PCDH15: variants seen among roughly 807,000 people sequenced by gnomAD.
PCDH15 encodes the protein protocadherin related 15.
PCDH15 carries 129 observed loss-of-function variants against 178.5 expected under a neutral mutation model. The observed-to-expected ratio is 0.72, with a 90% CI of 0.63 to 0.84. PCDH15 has a LOEUF of 0.84. Among genes scored for constraint, PCDH15 ranks in the 40% least tolerant of loss-of-function variants. The probability of loss-of-function intolerance (pLI) is 0.00; values close to 1 mark genes in which losing one functional copy is unlikely to be tolerated. For missense variants in PCDH15, 2,230 were observed against 2,099.9 expected (o/e 1.06, Z -1.21); for synonymous variants, 800 against 732.0 (o/e 1.09, Z -1.50).
chr10:54,160,481 T>A (rs904196938), intron 13 of PCDH15, among the ~76,000 whole-genome samples: 2 of 152,120 alleles, frequency 1.3e-5, no homozygotes, highest in Non-Finnish European at 2.9e-5. Context: ...GAAGATAATA[T>A]AGGAGAAAAT....
At chr10:55,147,392 C>A (rs1027869199) in intron 2 of PCDH15, among the ~76,000 whole-genome samples, 1 of 151,322 alleles carries the variant, frequency 6.6e-6, no homozygotes, top group East Asian at 1.9e-4. Context: ...ACATATAATT[C>A]ATCAAATATA....
chr10:53,973,571 T>G (rs891369752), intron 21 of PCDH15, among the ~76,000 whole-genome samples: 1 of 152,214 alleles, frequency 6.6e-6, no homozygotes, highest in African/African-American at 2.4e-5. Flanking sequence ...TATACAGAAT[T>G]ACTTTCTTAA....
chr10:54,930,136 T>G (rs1381892772), intron 2 of PCDH15, among the ~76,000 whole-genome samples: 1 of 152,146 alleles, frequency 6.6e-6, no homozygotes, highest in African/African-American at 2.4e-5. Context: ...TCCTTTTCCT[T>G]GCCAACCACG....
chr10:55,144,327 C>G (rs1838439927), intron 2 of PCDH15, among the ~76,000 whole-genome samples: 1 of 151,886 alleles, frequency 6.6e-6, no homozygotes, highest in Non-Finnish European at 1.5e-5. Context: ...AGAACAAGTC[C>G]TAGAGCTCAA....
At chr10:55,094,619 G>T (rs1250295980) in intron 2 of PCDH15, among the ~76,000 whole-genome samples, 2 of 151,968 alleles carry the variant, frequency 1.3e-5, no homozygotes, top group African/African-American at 2.4e-5. Flanking sequence ...TTACAATAAT[G>T]TTTTAAGATG....
intron 26 of PCDH15, among the ~76,000 whole-genome samples, chr10:53,877,596 A>G (rs186770582): frequency 2.6e-4 from 39 of 152,304 alleles, no homozygotes; most frequent in Admixed American, 1.6e-3. Context: ...CATTAGGTTC[A>G]ATCAGTCCAA....
At chr10:55,048,320 T>C (rs1189130033) in intron 2 of PCDH15, among the ~76,000 whole-genome samples, 1 of 151,748 alleles carries the variant, frequency 6.6e-6, no homozygotes, top group Admixed American at 6.6e-5. Context: ...AGCTATAAGA[T>C]AAAGGACTAA....
At chr10:54,026,970 T>C (rs369921385) in intron 18 of PCDH15, among the ~76,000 whole-genome samples, 498 of 148,804 alleles carry the variant, frequency 3.3e-3, no homozygotes, top group African/African-American at 0.012. Context: ...AAATAAAGGG[T>C]ATTCAATTAG....
chr10:54,313,147 G>A (rs1309603814), intron 8 of PCDH15, among the ~76,000 whole-genome samples: 2 of 151,988 alleles, frequency 1.3e-5, no homozygotes, highest in African/African-American at 4.8e-5. Context: ...TTGATCTTCA[G>A]TTAAAGACCT....
chr10:55,473,068 A>C (rs2132109269), intron 2 of PCDH15, among the ~76,000 whole-genome samples: 1 of 152,332 alleles, frequency 6.6e-6, no homozygotes, highest in South Asian at 2.1e-4. Context: ...GAATATAAAT[A>C]GTGAAACACA....
intron 1 of PCDH15, among the ~76,000 whole-genome samples, chr10:54,702,728 C>A (rs374178529): frequency 2.0e-5 from 3 of 151,822 alleles, no homozygotes; most frequent in South Asian, 4.1e-4. Context: ...GCCTACCAAC[C>A]AGCAAAAGGC....
At chr10:54,203,292 T>G (rs567118195) in intron 10 of PCDH15, among the ~76,000 whole-genome samples, 1 of 152,352 alleles carries the variant, frequency 6.6e-6, no homozygotes, top group East Asian at 1.9e-4. Flanking sequence ...AAGCTCAGTC[T>G]TAGCTAGTAT....
chr10:55,605,174 C>T (rs1843185603), intron 2 of PCDH15, among the ~76,000 whole-genome samples: 1 of 151,610 alleles, frequency 6.6e-6, no homozygotes, highest in African/African-American at 2.4e-5. Flanking sequence ...TCGACACATA[C>T]ACTCTCCCAA....
rs567307328 is a variant in PCDH15, at chr10:55,164,562, G to A, written c.-80+2014C>T. Among the ~76,000 whole-genome samples, 5 of 151,860 alleles carry A rather than the reference G, an allele frequency of 3.3e-5. No individual in the cohort carries two copies. The East Asian group carries it at 7.8e-4, about 24-fold the overall frequency. On this transcript the variant is annotated intron_variant, in intron 2 of 5. Coordinates refer to the PCDH15 transcript ENST00000458638. ...TTAAGTAATTGAAATAAGTATTGAG[G>A]ATATTTCTGCAAAATTACCAAAGTT...
chr10:54,948,325 T>G (rs1445947473), intron 2 of PCDH15, among the ~76,000 whole-genome samples: 1 of 151,916 alleles, frequency 6.6e-6, no homozygotes, highest in Non-Finnish European at 1.5e-5. Context: ...CAAGAGGAGA[T>G]TCCCCTTAGT....
chr10:54,565,174 T>G (rs71492621), intron 2 of PCDH15, among the ~76,000 whole-genome samples: 1 of 152,200 alleles, frequency 6.6e-6, no homozygotes, highest in Non-Finnish European at 1.5e-5. Flanking sequence ...AAGGAGAAAA[T>G]GTACCACCTA....
chr10:54,320,821 C>A lies in PCDH15; in HGVS notation c.706-3380G>T, dbSNP rs546456892. 3.4e-4 allele frequency among the ~76,000 whole-genome samples: 51 copies of A among 151,866 alleles called. No homozygotes were observed. In the South Asian group the frequency reaches 0.011, roughly 32 times the overall value. On this transcript the variant is annotated intron_variant, in intron 7 of 37. Transcript: ENST00000644397. ...CCATTATTAAGAGAGTCATTTAGTA[C>A]TGAAAATTACTAATGTTAAGATAAT...
chr10:55,004,600 T>A (rs1839878417), intron 2 of PCDH15, among the ~76,000 whole-genome samples: 2 of 152,098 alleles, frequency 1.3e-5, no homozygotes, highest in Admixed American at 1.3e-4. Flanking sequence ...GTCTTAACCC[T>A]CCCTAATTTC....
At chr10:53,864,520 G>C (rs1396845711) in intron 27 of PCDH15, among the ~76,000 whole-genome samples, 2 of 152,104 alleles carry the variant, frequency 1.3e-5, no homozygotes, top group Non-Finnish European at 2.9e-5. Context: ...ATCCACTCAG[G>C]CCTTGGGTCA....
Sources: gnomAD v4.1 joint callset for allele counts (sites outside exome capture counted in the v4.1 genomes callset) on GRCh38, gnomAD v4.1.1 for gene constraint, MANE v1.5 for transcripts, NCBI Gene and HGNC (gene_info 2026-07-23, HGNC 2026-07-21) for gene names.